Variants in RAPGEF6 observed in about 807,000 individuals in gnomAD.
RAPGEF6 encodes Rap guanine nucleotide exchange factor 6.
A neutral mutation model predicts 171.4 loss-of-function variants in RAPGEF6; 56 were observed. The ratio of observed to expected loss-of-function variants is 0.33; its 90% confidence interval spans 0.26 to 0.41. The LOEUF is 0.41. Ranked by LOEUF, RAPGEF6 falls within the 10% of genes least tolerant of loss-of-function variation. RAPGEF6 has a pLI of 1.00. For missense variants in RAPGEF6, 1,674 were observed against 1,921.4 expected (o/e 0.87, Z 2.41); for synonymous variants, 692 against 650.1 (o/e 1.06, Z -0.98).
chr5:131,603,681 G>A (rs948627502), intron 2 of RAPGEF6, among the ~76,000 whole-genome samples: 1 of 151,944 alleles, frequency 6.6e-6, no homozygotes, highest in Non-Finnish European at 1.5e-5. Flanking sequence ...GCAGAGGCAT[G>A]TACATACAAA....
chr5:131,441,541 A>T (rs1242469317), intron 23 of RAPGEF6, among the ~76,000 whole-genome samples: 1 of 152,160 alleles, frequency 6.6e-6, no homozygotes, highest in Non-Finnish European at 1.5e-5. Flanking sequence ...CTGAAGCCCT[A>T]TCTTACCTCT....
intron 1 of RAPGEF6, among the ~76,000 whole-genome samples, chr5:131,630,645 TAGAA>T (rs1365456747): frequency 2.6e-5 from 4 of 152,198 alleles, no homozygotes; most frequent in African/African-American, 7.2e-5. Context: ...CACACTGTGT[TAGAA>T]AGATATCTAA....
At chr5:131,469,920 A>C (rs1024621376) in intron 17 of RAPGEF6, 5 of 833,860 alleles carry the variant, frequency 6.0e-6, no homozygotes, top group Non-Finnish European at 9.1e-6. Context: ...AATAACTTTG[A>C]AAATGAAGGA....
chr5:131,429,368 A>T (rs1296848829), intron 26 of RAPGEF6, 152 bp from the exon 27 acceptor site: 3 of 684,874 alleles, frequency 4.4e-6, no homozygotes, highest in Non-Finnish European at 7.2e-6. Context: ...ACATTTTTTA[A>T]AAGTTTAATA....
intron 11 of RAPGEF6, among the ~76,000 whole-genome samples, chr5:131,501,578 AAC>A (rs1242037704): frequency 3.3e-5 from 5 of 151,980 alleles, no homozygotes; most frequent in Non-Finnish European, 5.9e-5. Context: ...TAAAAAAATC[AAC>A]ACAGTGTTTA....
chr5:131,627,943 T>C (rs1766045296), intron 1 of RAPGEF6, among the ~76,000 whole-genome samples: 1 of 152,246 alleles, frequency 6.6e-6, no homozygotes, highest in South Asian at 2.1e-4. Flanking sequence ...CCACAAACTG[T>C]GCCCATGTAA....
Position 131,548,091 on chromosome 5 carries a change from G to C in RAPGEF6, c.451C>G (p.Arg151Gly). 1 of 1,613,846 alleles carries C rather than the reference G, an allele frequency of 6.2e-7. No individual in the cohort carries two copies. The highest frequency in any genetic ancestry group is 8.5e-7 in the Non-Finnish European group (1 of 1,179,944). ...RFRKINYKGERQTITDDVEVN... is the reference protein window; with the variant it reads ...RFRKINYKGEGQTITDDVEVN... ...TCCACATCATCAGTAATGGTTTGGC[G>C]CTCTCCTTTATAGTTAATTTTCCGA... is the stretch of plus-strand genomic sequence containing the variant. Residue 151 changes from arginine to glycine, a missense_variant, in exon 6 of 28, where the codon CGC becomes GGC. By Grantham distance (125) the Arg-to-Gly change is moderately radical. Coordinates refer to ENST00000509018, the MANE Select transcript of RAPGEF6 (RefSeq NM_016340.6).
intron 6 of RAPGEF6, among the ~76,000 whole-genome samples, chr5:131,542,520 C>T (rs1379777828): frequency 1.3e-5 from 2 of 152,128 alleles, no homozygotes; most frequent in Non-Finnish European, 1.5e-5. Context: ...TCTAAGGTTA[C>T]AATTATGATG....
intron 20 of RAPGEF6, among the ~76,000 whole-genome samples, chr5:131,453,764 C>T (rs776541229): frequency 2.6e-5 from 4 of 152,180 alleles, no homozygotes; most frequent in Non-Finnish European, 5.9e-5. Context: ...GAGGAACATA[C>T]GGTAAACAGC....
intron 22 of RAPGEF6, among the ~76,000 whole-genome samples, chr5:131,445,563 C>G (rs1752636789): frequency 6.6e-6 from 1 of 150,538 alleles, no homozygotes; most frequent in African/African-American, 2.5e-5. Flanking sequence ...ATTTAACCCA[C>G]TGCGTGTGTC....
At chr5:131,547,232 T>C (rs926017691) in intron 6 of RAPGEF6, among the ~76,000 whole-genome samples, 1 of 152,240 alleles carries the variant, frequency 6.6e-6, no homozygotes. Flanking sequence ...TATCTGTTTA[T>C]GACAACTGAA....
At chr5:131,504,804 TTAATGAACCTA>T in intron 10 of RAPGEF6, 26 bp from the exon 11 acceptor site, 1 of 1,594,752 alleles carries the variant, frequency 6.3e-7, no homozygotes, top group Non-Finnish European at 8.5e-7. Flanking sequence ...ATGGGGACAG[TTAATGAACCTA>T]TAGTACATAA....
At chr5:131,482,274 G>A (rs372930099) in intron 15 of RAPGEF6, among the ~76,000 whole-genome samples, 1 of 61,264 alleles carries the variant, frequency 1.6e-5, no homozygotes, top group Non-Finnish European at 4.0e-5. Flanking sequence ...ACACGTGTGT[G>A]TATGTGTGTG....
intron 25 of RAPGEF6, among the ~76,000 whole-genome samples, chr5:131,431,961 G>C (rs898450867): frequency 6.6e-6 from 1 of 152,014 alleles, no homozygotes; most frequent in African/African-American, 2.4e-5. Flanking sequence ...TACCTCTGAG[G>C]TTAGCCCAGT....
intron 5 of RAPGEF6, among the ~76,000 whole-genome samples, chr5:131,557,350 A>G (rs950858618): frequency 1.3e-5 from 2 of 152,204 alleles, no homozygotes; most frequent in African/African-American, 4.8e-5. Context: ...ATGTTTATAA[A>G]TGGTACGTTT....
chr5:131,607,907 CA>C (rs1195315508), intron 1 of RAPGEF6, among the ~76,000 whole-genome samples: 2 of 152,032 alleles, frequency 1.3e-5, no homozygotes, highest in African/African-American at 4.8e-5. Context: ...AAAACAACAA[CA>C]AAAAAGACAA....
chr5:131,476,313 C>T (rs990241585), intron 16 of RAPGEF6, among the ~76,000 whole-genome samples: 11 of 152,036 alleles, frequency 7.2e-5, no homozygotes, highest in African/African-American at 2.4e-4. Context: ...TTGGCTAGTG[C>T]GGTAGCTCAA....
At chr5:131,574,907 C>A (rs1165218533) in intron 4 of RAPGEF6, among the ~76,000 whole-genome samples, 1 of 152,188 alleles carries the variant, frequency 6.6e-6, no homozygotes, top group Non-Finnish European at 1.5e-5. Context: ...TTATCACTCA[C>A]CTGTTACAGC....
intron 4 of RAPGEF6, among the ~76,000 whole-genome samples, chr5:131,563,157 A>G (rs1248448655): frequency 6.6e-6 from 1 of 152,160 alleles, no homozygotes; most frequent in Non-Finnish European, 1.5e-5. Context: ...AAAGCAACCA[A>G]AAGTATTATC....
Sources: gnomAD v4.1 joint callset for allele counts (sites outside exome capture counted in the v4.1 genomes callset) on GRCh38, gnomAD v4.1.1 for gene constraint, MANE v1.5 for transcripts, NCBI Gene and HGNC (gene_info 2026-07-23, HGNC 2026-07-21) for gene names.